Variants in ZNF550 observed in about 807,000 individuals in gnomAD.
ZNF550 encodes zinc finger protein 550.
In ZNF550, 42 loss-of-function variants were observed where a neutral mutation model predicts 40.2. The ratio of observed to expected loss-of-function variants is 1.05; its 90% CI spans 0.82 to 1.35. ZNF550 has a LOEUF of 1.35. ZNF550 is among the 40% of genes most tolerant of loss of function. ZNF550 has a pLI of 0.00. For synonymous variants in ZNF550, 223 were observed against 198.6 expected (o/e 1.12, Z -1.03); for missense variants, 549 against 525.2 (o/e 1.05, Z -0.44).
At chr19:57,549,900 G>T (rs1324574549) in intron 3 of ZNF550, among the ~76,000 whole-genome samples, 1 of 152,208 alleles carries the variant, frequency 6.6e-6, no homozygotes, top group Non-Finnish European at 1.5e-5. Context: ...TGTCAAGTGG[G>T]TTGATACTGG....
rs2090120052 is a variant in ZNF550 at position 57,556,272 on chromosome 19, CG to C, written c.112del (p.Arg38GlufsTer3). The C allele has an allele frequency of 1.2e-6, 2 of 1,614,002 alleles. No individual in the cohort carries two copies. The highest frequency in any genetic ancestry group is 1.7e-5 in the Admixed American group (1 of 60,000). Reference sequence around the variant, plus strand: ...CCCACAGGTCTCCAGCATCACCTCTCGGTACAGGGTCCTCTGGGCCAGGTCC... The same window carrying C: ...CCCACAGGTCTCCAGCATCACCTCTCGTACAGGGTCCTCTGGGCCAGGTCC... On this transcript the variant is annotated frameshift_variant, in exon 2 of 5. Transcript: ENST00000457177. LOFTEE classifies it high-confidence loss of function.
At chr19:57,556,077 C>A in intron 2 of ZNF550, 154 bp downstream of exon 2, 1 of 973,604 alleles carries the variant, frequency 1.0e-6, no homozygotes. Context: ...ATTTTCTACC[C>A]CGACAATCTC....
At chr19:57,557,932 A>G (rs926447273) in intron 1 of ZNF550, among the ~76,000 whole-genome samples, 9 of 152,242 alleles carry the variant, frequency 5.9e-5, no homozygotes, top group African/African-American at 2.2e-4. Context: ...CACTTAGGCA[A>G]TCAGTGGAGT....
intron 2 of ZNF550, chr19:57,555,293 T>C (rs2090109711): frequency 6.6e-6 from 1 of 152,094 alleles, no homozygotes; most frequent in African/African-American, 2.4e-5. Flanking sequence ...AGAAATGAAC[T>C]GCACTGGGGG....
At chr19:57,545,785 G>A (rs1479560190) in intron 4 of ZNF550, among the ~76,000 whole-genome samples, 1 of 152,306 alleles carries the variant, frequency 6.6e-6, no homozygotes, top group Non-Finnish European at 1.5e-5. Flanking sequence ...GGCCAAGGCA[G>A]GTGGACCACT....
At chr19:57,547,671 C>T (rs757764085) in exon 4 of ZNF550, 1 of 1,614,188 alleles carries the variant, frequency 6.2e-7, no homozygotes, top group Admixed American at 1.7e-5. Context: ...AGGCGTCTTT[C>T]CCTGGTTGCT....
At chr19:57,542,773 G>A (rs1434427637) in exon 5 of ZNF550, 1 of 152,142 alleles carries the variant, frequency 6.6e-6, no homozygotes, top group Non-Finnish European at 1.5e-5. Context: ...GCTTGAAGAT[G>A]TTCTTCCTGT....
At chr19:57,551,262 G>T (rs1479205053) in intron 3 of ZNF550, among the ~76,000 whole-genome samples, 1 of 152,132 alleles carries the variant, frequency 6.6e-6, no homozygotes, top group Non-Finnish European at 1.5e-5. Flanking sequence ...ATTATATACT[G>T]AAACATCAGC....
At chr19:57,543,581 A>C in intron 4 of ZNF550, 4 of 981,426 alleles carry the variant, frequency 4.1e-6, no homozygotes, top group Non-Finnish European at 4.8e-6. Flanking sequence ...ATAAGAGCAT[A>C]GTGCTTTTTA....
chr19:57,544,965 T>C (rs1335765881), intron 4 of ZNF550, among the ~76,000 whole-genome samples: 2 of 151,976 alleles, frequency 1.3e-5, no homozygotes, highest in South Asian at 4.1e-4. Context: ...CTACTAAAAA[T>C]ACAAAAATTA....
At chr19:57,552,910 A>G (rs574959102) in intron 2 of ZNF550, 188 bp from the exon 3 acceptor site, 91 of 566,018 alleles carry the variant, frequency 1.6e-4, no homozygotes, top group African/African-American at 1.6e-3. Context: ...CATAAAAATC[A>G]TATGTTGATG....
chr19:57,559,769 C>T, exon 1 of ZNF550: 2 of 1,199,936 alleles, frequency 1.7e-6, no homozygotes, highest in Non-Finnish European at 2.2e-6. Context: ...CGGAGGTGAG[C>T]CCCAGTCGCC....
exon 4 of ZNF550, chr19:57,547,832 C>T (rs955352058): frequency 6.2e-7 from 1 of 1,613,984 alleles, no homozygotes; most frequent in African/African-American, 1.3e-5. Flanking sequence ...GTCACTTTAC[C>T]TTTCTGCATT....
chr19:57,557,380 C>T (rs1335824472), intron 1 of ZNF550: 1 of 152,100 alleles, frequency 6.6e-6, no homozygotes, highest in African/African-American at 2.4e-5. Context: ...CCTACGTGCA[C>T]ATCGAGGCAC....
In ZNF550 at chr19:57,550,677, G is replaced by A. The variant is rs141725132; in HGVS notation, c.250+1950C>T. Among the ~76,000 whole-genome samples the A allele has an allele frequency of 5.3e-5, 8 of 152,322 alleles. No individual in the cohort carries two copies. The East Asian group carries it at 9.6e-4, about 18-fold the overall frequency. On this transcript the variant is annotated intron_variant, in intron 3 of 4. Coordinates refer to ENST00000457177, the Ensembl canonical transcript of ZNF550. Reference sequence around the variant, plus strand: ...CAAAGACAGGGTAACAGAAACTGCCGAGGTGCTGGAAATATTGTAAATCTT... The same window carrying A: ...CAAAGACAGGGTAACAGAAACTGCCAAGGTGCTGGAAATATTGTAAATCTT...
At chr19:57,560,309 C>T (rs1165968791), upstream of ZNF550, among the ~76,000 whole-genome samples, 1 of 152,152 alleles carries the variant, frequency 6.6e-6, no homozygotes. Context: ...GAGCCATTCC[C>T]GGGACATGCT....
intron 4 of ZNF550, among the ~76,000 whole-genome samples, chr19:57,546,014 T>TA (rs996738899): frequency 6.6e-5 from 10 of 151,902 alleles, no homozygotes; most frequent in Non-Finnish European, 1.3e-4. Context: ...CCCTGTCTCT[T>TA]AAAAAATAAT....
chr19:57,554,660 T>C lies in ZNF550; in HGVS notation c.154+1571A>G, dbSNP rs1418914948. On this transcript the variant is annotated intron_variant, in intron 2 of 4. Coordinates refer to ENST00000457177, the Ensembl canonical transcript of ZNF550. This position sits in a 1 kb window ranked among gnomAD's most constrained non-coding sequence, Gnocchi z 4.5. ...CACAGAAACATCGACTGGCAGATTC[T>C]GAACCATAGCCCAGGATTCCTTCAG... 6.6e-6 allele frequency: 1 copy of C among 152,328 alleles called. No individual in the cohort carries two copies. Among genetic ancestry groups the C allele is most frequent in the Non-Finnish European group, 1.5e-5 (1 of 68,100 alleles). 9.4% of individuals were successfully genotyped at this position (152,328 alleles called of 1,614,324 possible). A position where few individuals can be genotyped will look rare whatever the true frequency, so the allele number is the denominator to read the frequency against.
At chr19:57,556,768 A>T (rs549058626) in intron 1 of ZNF550, 1 of 195,760 alleles carries the variant, frequency 5.1e-6, no homozygotes, top group African/African-American at 2.4e-5. Flanking sequence ...AGGAAGACAT[A>T]AGAAACTCCA....
Sources: gnomAD v4.1 joint callset for allele counts (sites outside exome capture counted in the v4.1 genomes callset) on GRCh38, gnomAD v4.1.1 for gene constraint, Gnocchi (gnomAD v3.1) non-coding constraint, MANE v1.5 for transcripts, NCBI Gene and HGNC (gene_info 2026-07-23, HGNC 2026-07-21) for gene names.